The following PRKAR1A variants were observed in gnomAD, a reference collection of about 807,000 sequenced individuals.
PRKAR1A encodes cAMP-dependent protein kinase type I-alpha regulatory subunit.
PRKAR1A carries 3 observed loss-of-function variants against 52.0 expected under a neutral mutation model. That is an observed-to-expected ratio of 0.06 (90% confidence interval 0.03 to 0.15). The LOEUF (loss-of-function observed/expected upper bound fraction) is 0.15, where lower values mean the gene tolerates loss of function less well. Among genes scored for constraint, PRKAR1A ranks in the 10% least tolerant of loss-of-function variants. The probability of loss-of-function intolerance (pLI) is 1.00; values close to 1 mark genes in which losing one functional copy is unlikely to be tolerated. For missense variants in PRKAR1A, 240 were observed against 477.4 expected (o/e 0.50, Z 4.63); for synonymous variants, 188 against 168.4 (o/e 1.12, Z -0.90).
chr17:68,513,978 A>T (rs531853763), intron 1 of PRKAR1A, among the ~76,000 whole-genome samples: 3 of 152,316 alleles, frequency 2.0e-5, no homozygotes, highest in African/African-American at 7.2e-5. Flanking sequence ...AATGCAGACA[A>T]TTCTACTGAA....
At chr17:68,426,117 C>T in the PRKAR1A span, 1,029 of 1,612,626 alleles carry the variant, frequency 6.4e-4, 7 homozygotes, top group South Asian at 2.3e-4. Context: ...CTGGTCCCGT[C>T]GCAAACTCAT....
chr17:68,457,580 T>TCCCCGCCCCG, the PRKAR1A span: 5 of 156,172 alleles, frequency 3.2e-5, no homozygotes, highest in Non-Finnish European at 2.7e-5. Context: ...ACCCCGCCCC[T>TCCCCGCCCCG]ACCCCGCCCC....
the PRKAR1A span, among the ~76,000 whole-genome samples, chr17:68,489,261 G>A: frequency 4.4e-3 from 33 of 7,576 alleles, no homozygotes; most frequent in Non-Finnish European, 5.5e-3. Flanking sequence ...ATATATATAT[G>A]GAAAGTATAT....
chr17:68,420,189 G>A, the PRKAR1A span: 25 of 1,613,732 alleles, frequency 1.5e-5, no homozygotes, highest in Non-Finnish European at 1.9e-5. Context: ...CCCTCTCTAG[G>A]TGGAGCCAGG....
the PRKAR1A span, among the ~76,000 whole-genome samples, chr17:68,465,569 C>T: frequency 6.6e-6 from 1 of 150,846 alleles, no homozygotes; most frequent in East Asian, 1.9e-4. Flanking sequence ...ATTCTCTTGC[C>T]TCAACCTCTG....
upstream of PRKAR1A, among the ~76,000 whole-genome samples, chr17:68,511,202 GTATTGTGTTGAATCCAT>G (rs2085259406): frequency 6.6e-6 from 1 of 152,016 alleles, no homozygotes; most frequent in South Asian, 2.1e-4. Context: ...TTGCTTTTTT[GTATTGTGTTGAATCCAT>G]TATGAATTTT....
the PRKAR1A span, among the ~76,000 whole-genome samples, chr17:68,417,407 G>C: frequency 6.6e-6 from 1 of 152,182 alleles, no homozygotes; most frequent in Non-Finnish European, 1.5e-5. Flanking sequence ...AGTATTTACT[G>C]TAAGAACTTG....
chr17:68,414,754 A>G, the PRKAR1A span, among the ~76,000 whole-genome samples: 1 of 152,132 alleles, frequency 6.6e-6, no homozygotes, highest in Admixed American at 6.5e-5. Flanking sequence ...TTCCTGATTT[A>G]AGCTAGGAGG....
the PRKAR1A span, chr17:68,451,003 C>T: frequency 3.9e-5 from 56 of 1,423,604 alleles, 2 homozygotes; most frequent in East Asian, 8.8e-4. Flanking sequence ...AAAGGTTCTC[C>T]GGGTCTTGCC....
At chr17:68,434,764 T>A in the PRKAR1A span, 3 of 762,282 alleles carry the variant, frequency 3.9e-6, no homozygotes, top group Non-Finnish European at 6.3e-6. Context: ...CATAGAGGCA[T>A]GTTTATTTAT....
the PRKAR1A span, among the ~76,000 whole-genome samples, chr17:68,476,886 T>C: frequency 6.6e-6 from 1 of 151,992 alleles, no homozygotes; most frequent in Admixed American, 6.6e-5. Flanking sequence ...GGTCTCGATC[T>C]CTTGATCTTG....
At chr17:68,418,847 A>AT in the PRKAR1A span, among the ~76,000 whole-genome samples, 20 of 152,316 alleles carry the variant, frequency 1.3e-4, no homozygotes, top group Non-Finnish European at 2.4e-4. Context: ...TGAGCAACTG[A>AT]TAAGTTTCTA....
chr17:68,417,733 A>ATTTTTTTTTTTTTTTTTTTTTTTTT, the PRKAR1A span, among the ~76,000 whole-genome samples: 3 of 60,788 alleles, frequency 4.9e-5, 1 homozygote, highest in Non-Finnish European at 8.7e-5. Context: ...GAGTTGCTGA[A>ATTTTTTTTTTTTTTTTTTTTTTTTT]TTTTTTTTTT....
At chr17:68,547,470 G>GTAGC in intron 11 of PRKAR1A, among the ~76,000 whole-genome samples, 1 of 152,314 alleles carries the variant, frequency 6.6e-6, no homozygotes, top group Middle Eastern at 3.4e-3. Flanking sequence ...TATTGTTAGT[G>GTAGC]TAGCTACGTT....
At chr17:68,499,863 G>C in the PRKAR1A span, among the ~76,000 whole-genome samples, 1 of 152,178 alleles carries the variant, frequency 6.6e-6, no homozygotes, top group Non-Finnish European at 1.5e-5. Context: ...GCCCAGGCTC[G>C]CCATGCAGTT....
At chr17:68,428,230 T>G in the PRKAR1A span, 1 of 146,386 alleles carries the variant, frequency 6.8e-6, no homozygotes, top group Non-Finnish European at 1.5e-5. Flanking sequence ...GGGAATAGGT[T>G]TTTTTTTTTT....
chr17:68,497,392 C>A, the PRKAR1A span, among the ~76,000 whole-genome samples: 1 of 152,118 alleles, frequency 6.6e-6, no homozygotes, highest in Non-Finnish European at 1.5e-5. Flanking sequence ...CTAGAGGGAA[C>A]TTTAGAACTT....
At chr17:68,537,444 G>C, downstream of PRKAR1A, 1 of 1,613,812 alleles carries the variant, frequency 6.2e-7, no homozygotes, top group Non-Finnish European at 8.5e-7. The surrounding 1 kb of genome is among the most constrained non-coding windows in gnomAD (Gnocchi z 4.2). Flanking sequence ...TCTGGCTCCA[G>C]GCGTATTTTC....
chr17:68,437,840 A>G, the PRKAR1A span, among the ~76,000 whole-genome samples: 1 of 151,138 alleles, frequency 6.6e-6, no homozygotes, highest in Non-Finnish European at 1.5e-5. Flanking sequence ...TTTCAAAACA[A>G]TGGTTTAGAT....
Sources: gnomAD v4.1 joint callset for allele counts (sites outside exome capture counted in the v4.1 genomes callset) on GRCh38, gnomAD v4.1.1 for gene constraint, Gnocchi (gnomAD v3.1) non-coding constraint, MANE v1.5 for transcripts, NCBI Gene and HGNC (gene_info 2026-07-23, HGNC 2026-07-21) for gene names.